The following CA3 variants were observed in gnomAD, a reference collection of about 807,000 sequenced individuals.
CA3 encodes carbonic anhydrase 3.
In CA3, 30 loss-of-function variants were observed where a neutral mutation model predicts 35.7. That is an observed-to-expected ratio of 0.84 (90% CI 0.63 to 1.14). The LOEUF is 1.14. CA3 is among the 50% of genes most tolerant of loss of function. The probability of loss-of-function intolerance (pLI) is 0.00; values close to 1 mark genes in which losing one functional copy is unlikely to be tolerated. For missense variants in CA3, 295 were observed against 328.5 expected, an observed-to-expected ratio of 0.90 and a Z score of 0.79; for synonymous variants, 131 against 130.8, an observed-to-expected ratio of 1.00 and a Z score of -0.01.
At chr8:85,442,592 GGTCCCAGCTACT>G (rs1486988462) in intron 3 of CA3, among the ~76,000 whole-genome samples, 1 of 151,956 alleles carries the variant, frequency 6.6e-6, no homozygotes, top group Non-Finnish European at 1.5e-5. Context: ...ATGCACCTGT[GGTCCCAGCTACT>G]CAGGAGGCTG....
chr8:85,438,868 G>T lies in CA3; in HGVS notation c.-42G>T. ...TCGCGGCGACTCTGCACCACGCAGG[G>T]GAAGAGAAAGCAGGAGCCGTCCAGC... On this transcript the variant is annotated 5_prime_UTR_variant, in exon 1 of 7. Coordinates refer to ENST00000285381, the MANE Select transcript of CA3 (RefSeq NM_005181.4). 6.5e-7 allele frequency: 1 copy of T among 1,550,096 alleles called. No homozygotes were observed. The highest frequency in any genetic ancestry group is 8.7e-7 in the Non-Finnish European group (1 of 1,146,450).
chr8:85,439,444 T>A (rs1811176503), intron 1 of CA3, among the ~76,000 whole-genome samples: 1 of 151,350 alleles, frequency 6.6e-6, no homozygotes, highest in African/African-American at 2.4e-5. Context: ...TGTCATTGGT[T>A]AAAAAAAAAT....
intron 6 of CA3, among the ~76,000 whole-genome samples, chr8:85,446,616 C>G (rs959183714): frequency 2.0e-5 from 3 of 152,116 alleles, no homozygotes; most frequent in Non-Finnish European, 4.4e-5. Context: ...AAATACTGAG[C>G]ACTGGTAAGG....
chr8:85,439,594 C>A, intron 1 of CA3, 118 bp from the exon 2 acceptor site: 1 of 675,672 alleles, frequency 1.5e-6, no homozygotes, highest in Admixed American at 2.7e-5. Context: ...CAGTCTGAAA[C>A]CTAAGACCTT....
At chr8:85,443,968 G>A in intron 3 of CA3, 66 bp from the exon 4 acceptor site, 1 of 1,089,860 alleles carries the variant, frequency 9.2e-7, no homozygotes, top group Admixed American at 1.7e-5. Context: ...GGTTTATTGT[G>A]GATAATGTTG....
intron 2 of CA3, among the ~76,000 whole-genome samples, chr8:85,440,527 A>C (rs1349470660): frequency 6.6e-6 from 1 of 152,192 alleles, no homozygotes; most frequent in African/African-American, 2.4e-5. Context: ...CAGCGACTGA[A>C]AAATACATGT....
In CA3 at chr8:85,448,160, T is replaced by C. The variant is rs1424153660; in HGVS notation, c.*7T>C. On this transcript the variant is annotated 3_prime_UTR_variant, in exon 7 of 7. Coordinates refer to ENST00000285381, the MANE Select transcript of CA3 (RefSeq NM_005181.4). Reference sequence around the variant, plus strand: ...GAGAGCTTCCTTCAAATGAGGCTGCTGGATCTTGCCCTCTTCAGGAAAGGA... The same window carrying C: ...GAGAGCTTCCTTCAAATGAGGCTGCCGGATCTTGCCCTCTTCAGGAAAGGA... 1 of 1,611,094 alleles carries C rather than the reference T, an allele frequency of 6.2e-7. No individual in the cohort carries two copies. Among genetic ancestry groups the C allele is most frequent in the South Asian group, 1.1e-5 (1 of 90,112 alleles).
rs750923127 is a variant in CA3, at chr8:85,442,217, C to T, written c.351+26C>T. On this transcript the variant is annotated intron_variant, in intron 3 of 6. Coordinates refer to ENST00000285381, the MANE Select transcript of CA3 (RefSeq NM_005181.4). ...GTAAGAGGAACTGCCATAATCCATTCTCGGTCTCATACAGTGAAAACTGCA... is the reference window on the plus strand; with the variant it reads ...GTAAGAGGAACTGCCATAATCCATTTTCGGTCTCATACAGTGAAAACTGCA... The T allele has an allele frequency of 6.7e-6, 8 of 1,197,530 alleles. No individual in the cohort carries two copies. In the South Asian group the frequency reaches 8.5e-5, roughly 13 times the overall value. 74.2% of individuals were successfully genotyped at this position (1,197,530 alleles called of 1,614,324 possible).
chr8:85,442,116 G>C lies in CA3; in HGVS notation c.276G>C (p.Gln92His), dbSNP rs751254400. The C allele has an allele frequency of 1.2e-6, 2 of 1,610,862 alleles. No homozygotes were observed. The highest frequency in any genetic ancestry group is 2.2e-5 in the South Asian group (2 of 91,012). Residue 92 changes from glutamine to histidine, a missense_variant, in exon 3 of 7, where the codon CAG becomes CAC. Gln to His is a conservative substitution (Grantham distance 24, BLOSUM62 0). Transcript: ENST00000285381. ...GPLPGPYRLR[Q>H]FHLHWGSSDD... ...TCCCTGGACCCTACCGACTTCGCCA[G>C]TTTCATCTTCACTGGGGCTCTTCGG...
Position 85,439,786 on chromosome 8 carries a change from G to A in CA3, c.109G>A (p.Asp37Asn), listed in dbSNP as rs764856289. 7 of 1,614,076 alleles carry A rather than the reference G, an allele frequency of 4.3e-6. No homozygotes were observed. The South Asian group carries it at 7.7e-5, about 18-fold the overall frequency. Residue 37 changes from aspartate to asparagine, a missense_variant, in exon 2 of 7, where the codon GAC becomes AAC. Coordinates refer to ENST00000285381, the MANE Select transcript of CA3 (RefSeq NM_005181.4). Reference protein sequence around the residue: ...NQSPVELHTKDIRHDPSLQPW... With the variant: ...NQSPVELHTKNIRHDPSLQPW... ...GTCGCCCGTTGAGCTGCATACTAAA[G>A]ACATCAGGCATGACCCTTCTCTGCA...
chr8:85,445,976 T>C (rs1811283397), intron 5 of CA3, among the ~76,000 whole-genome samples, 166 bp from the exon 6 acceptor site: 1 of 152,234 alleles, frequency 6.6e-6, no homozygotes, highest in South Asian at 2.1e-4. Flanking sequence ...GCAAACCAGC[T>C]TCCCTGCTTT....
chr8:85,445,378 C>G (rs532236893), intron 5 of CA3, among the ~76,000 whole-genome samples, 160 bp downstream of exon 5: 1 of 152,030 alleles, frequency 6.6e-6, no homozygotes, highest in African/African-American at 2.4e-5. Context: ...GTATGGCATA[C>G]AGTTTTTAGA....
At chr8:85,441,172 T>C (rs1811202384) in intron 2 of CA3, among the ~76,000 whole-genome samples, 1 of 152,210 alleles carries the variant, frequency 6.6e-6, no homozygotes. Context: ...GTGGGCAACC[T>C]CTTCTAAAAT....
In CA3 at chr8:85,443,370, C is replaced by T. The variant is rs550629143; in HGVS notation, c.352-664C>T. ...TGCTTTATTCTTTTCCAAAGATAGG[C>T]TCTGGTTAACATAGGGGCTGTGACA... is the stretch of plus-strand genomic sequence containing the variant. On this transcript the variant is annotated intron_variant, in intron 3 of 6. Transcript: ENST00000285381. Among the ~76,000 whole-genome samples, 14 of 152,270 alleles carry T rather than the reference C, an allele frequency of 9.2e-5. No individual in the cohort carries two copies. The East Asian group carries it at 2.5e-3, about 27-fold the overall frequency.
At chr8:85,440,633 G>C (rs548512839) in intron 2 of CA3, among the ~76,000 whole-genome samples, 2 of 152,266 alleles carry the variant, frequency 1.3e-5, no homozygotes, top group African/African-American at 4.8e-5. Flanking sequence ...CACGATAAAT[G>C]AGGTAAGAAA....
At chr8:85,447,242 A>C (rs1350837228) in intron 6 of CA3, among the ~76,000 whole-genome samples, 1 of 152,132 alleles carries the variant, frequency 6.6e-6, no homozygotes, top group Non-Finnish European at 1.5e-5. Flanking sequence ...CTTATCCTTT[A>C]AGAAAGAAAA....
At chr8:85,439,447 A>C (rs1461330202) in intron 1 of CA3, among the ~76,000 whole-genome samples, 1 of 152,212 alleles carries the variant, frequency 6.6e-6, no homozygotes, top group Non-Finnish European at 1.5e-5. Flanking sequence ...CATTGGTTAA[A>C]AAAAAATGTG....
In CA3 at chr8:85,448,048, G is replaced by A. The variant is rs1000411101; in HGVS notation, c.678G>A (p.Arg226=). ...TVSSDQMAKL[R]SLLSSAENEP... ...GCCCTTTGCAGATGGCCAAGCTGCG[G>A]AGCCTCCTCTCCAGTGCTGAGAACG... Residue 226 remains arginine, a synonymous_variant, in exon 7 of 7, where the codon CGG becomes CGA. Transcript: ENST00000285381. 1.9e-6 allele frequency: 3 copies of A among 1,611,518 alleles called. No individual in the cohort carries two copies. Among genetic ancestry groups the A allele is most frequent in the Admixed American group, 1.7e-5 (1 of 59,624 alleles).
At chr8:85,444,972 T>C (rs2130507027) in intron 4 of CA3, among the ~76,000 whole-genome samples, 184 bp from the exon 5 acceptor site, 1 of 152,302 alleles carries the variant, frequency 6.6e-6, no homozygotes, top group South Asian at 2.1e-4. Flanking sequence ...AGTCCAAATT[T>C]AGATCAGAAA....
Sources: gnomAD v4.1 joint callset for allele counts (sites outside exome capture counted in the v4.1 genomes callset) on GRCh38, gnomAD v4.1.1 for gene constraint, MANE v1.5 for transcripts, NCBI Gene and HGNC (gene_info 2026-07-23, HGNC 2026-07-21) for gene names.